The following CASZ1 variants were observed in gnomAD, a reference collection of about 807,000 sequenced individuals.
CASZ1 encodes the protein castor zinc finger 1.
Under a neutral mutation model 135.2 loss-of-function variants are expected in CASZ1, and 28 were observed. The ratio of observed to expected loss-of-function variants is 0.21; its 90% CI spans 0.15 to 0.28. The LOEUF (loss-of-function observed/expected upper bound fraction) is 0.28, where lower values mean the gene tolerates loss of function less well. Ranked by LOEUF, CASZ1 falls within the 10% of genes least tolerant of loss-of-function variation. The probability of loss-of-function intolerance (pLI) is 1.00; values close to 1 mark genes in which losing one functional copy is unlikely to be tolerated. For synonymous variants in CASZ1, 1,068 were observed against 1,073.4 expected (o/e 0.99, Z 0.10); for missense variants, 2,161 against 2,453.3 (o/e 0.88, Z 2.52).
intron 4 of CASZ1, among the ~76,000 whole-genome samples, chr1:10,683,895 A>G (rs764744696): frequency 7.2e-5 from 11 of 152,128 alleles, no homozygotes; most frequent in Non-Finnish European, 1.3e-4. Context: ...TCGGGGCCAG[A>G]GATGTTTGGG....
chr1:10,694,910 C>T lies in CASZ1; in HGVS notation c.-23-998G>A, dbSNP rs1165328094. Among the ~76,000 whole-genome samples the T allele has an allele frequency of 1.4e-5, 2 of 143,838 alleles. No homozygotes were observed. Among genetic ancestry groups the T allele is most frequent in the Non-Finnish European group, 1.5e-5 (1 of 64,892 alleles). 94.4% of individuals were successfully genotyped at this position (143,838 alleles called of 152,430 possible). A position where few individuals can be genotyped will look rare whatever the true frequency, so the allele number is the denominator to read the frequency against. On this transcript the variant is annotated intron_variant, in intron 3 of 20. Transcript: ENST00000377022. The surrounding 1 kb of genome is among the most constrained non-coding windows in gnomAD (Gnocchi z 6.6). Reference sequence around the variant, plus strand: ...GGCCGCCGGCGGCCGCGCGCGCGCTCGCATGCTGCCAGCGGCCGCTCGGGC... The same window carrying T: ...GGCCGCCGGCGGCCGCGCGCGCGCTTGCATGCTGCCAGCGGCCGCTCGGGC...
chr1:10,689,564 C>G (rs371009284), intron 4 of CASZ1, among the ~76,000 whole-genome samples: 131 of 152,266 alleles, frequency 8.6e-4, no homozygotes, highest in African/African-American at 3.0e-3. Flanking sequence ...CTCTAGGGAG[C>G]CTTTCGGACC....
At chr1:10,781,360 G>A (rs1233436461) in intron 1 of CASZ1, among the ~76,000 whole-genome samples, 1 of 152,212 alleles carries the variant, frequency 6.6e-6, no homozygotes, top group African/African-American at 2.4e-5. Flanking sequence ...CTGCTCCTGG[G>A]GAAGGGCAAG....
rs1447142655 is a variant in CASZ1 at position 10,639,708 on chromosome 1, T to C, written c.4514A>G (p.Asp1505Gly). The C allele has an allele frequency of 1.3e-6, 2 of 1,594,496 alleles. No homozygotes were observed. The highest frequency in any genetic ancestry group is 4.5e-5 in the East Asian group (2 of 44,096). Residue 1505 changes from aspartate (D) to glycine (G), a missense_variant, in exon 21 of 21, where the codon GAC (aspartate) becomes GGC (glycine). Around this residue, in one of 7 missense-constraint regions of CASZ1, gnomAD observed 240 missense variants for 321.4 expected, o/e 0.75. Transcript: ENST00000377022. This position sits in a 1 kb window ranked among gnomAD's most constrained non-coding sequence, Gnocchi z 4.0. ...CGTGCTGGTGCCCGAGAAGGGGCAG[T>C]CGGCGAAGTGGCAGCTGAGTGAGGC... ...FKASLSCHFA[D>G]CPFSGTSTHF...
intron 4 of CASZ1, among the ~76,000 whole-genome samples, chr1:10,670,937 G>A (rs934047933): frequency 6.6e-6 from 1 of 152,184 alleles, no homozygotes; most frequent in South Asian, 2.1e-4. Context: ...GGGCCTCTAA[G>A]TTCTGTGGGA....
chr1:10,729,432 C>T (rs74052178), intron 2 of CASZ1, among the ~76,000 whole-genome samples: 5,419 of 150,978 alleles, frequency 0.036, 182 homozygotes, highest in African/African-American at 0.088. Context: ...AGCTATCTTT[C>T]CCACCGCAGC....
chr1:10,673,866 G>A (rs549693977), intron 4 of CASZ1, among the ~76,000 whole-genome samples: 1 of 152,160 alleles, frequency 6.6e-6, no homozygotes. Context: ...CCATGCCTCG[G>A]GCTGAGGCCA....
At chr1:10,655,901 TG>T (rs1642774575) in intron 8 of CASZ1, 88 bp from the exon 9 acceptor site, 7 of 1,372,124 alleles carry the variant, frequency 5.1e-6, no homozygotes, top group African/African-American at 1.4e-5. Context: ...GGCCAGGTGC[TG>T]GCCTCAGGTC....
chr1:10,680,569 G>T (rs556506), intron 4 of CASZ1, among the ~76,000 whole-genome samples: 9,606 of 152,258 alleles, frequency 0.063, 767 homozygotes, highest in African/African-American at 0.19. Flanking sequence ...GCATTACTGT[G>T]TCACACTCCA....
At chr1:10,789,369 C>A (rs568521864) in intron 1 of CASZ1, among the ~76,000 whole-genome samples, 6 of 150,816 alleles carry the variant, frequency 4.0e-5, no homozygotes, top group South Asian at 2.1e-4. Flanking sequence ...CTGCCCCCCG[C>A]ACCCCCTCCT....
At chr1:10,793,409 A>C (rs1640999169) in intron 1 of CASZ1, among the ~76,000 whole-genome samples, 1 of 152,110 alleles carries the variant, frequency 6.6e-6, no homozygotes, top group South Asian at 2.1e-4. Context: ...ATGCGCCGAG[A>C]CTCAGAGCAA....
intron 8 of CASZ1, 60 bp from the exon 9 acceptor site, chr1:10,655,873 A>G: frequency 2.6e-6 from 4 of 1,563,814 alleles, no homozygotes; most frequent in Middle Eastern, 1.9e-4. Flanking sequence ...CCTTCCTCCC[A>G]TATGCCAAGA....
chr1:10,650,926 G>C lies in CASZ1; in HGVS notation c.2816+15C>G, dbSNP rs780907297. On this transcript the variant is annotated intron_variant, in intron 12 of 20. Transcript: ENST00000377022. ...TGGTTCCCGGGGCTGGCTCCCATAG[G>C]GGGCCTCGCCTCACCTGGGCTCCTT... The C allele has an allele frequency of 1.8e-5, 29 of 1,607,072 alleles. No individual in the cohort carries two copies. The highest frequency in any genetic ancestry group is 2.3e-5 in the Non-Finnish European group (27 of 1,178,306).
Position 10,792,335 on chromosome 1 carries a change from C to A in CASZ1, c.-234+4229G>T, listed in dbSNP as rs1273922370. 9.4e-5 allele frequency among the ~76,000 whole-genome samples: 4 copies of A among 42,436 alleles called. 1 individual carries two copies. Among genetic ancestry groups the A allele is most frequent in the Non-Finnish European group, 1.4e-4 (2 of 14,490 alleles). The allele number at this position is 42,436 out of a possible 152,430, so 27.8% of individuals were successfully genotyped here. On this transcript the variant is annotated intron_variant, in intron 1 of 20. Transcript: ENST00000377022. ...GCTTACCCCTCCCCCCCGCCCCCCC[C>A]CCCCCGGCCCCGCACACAAAGTAAA... is the stretch of plus-strand genomic sequence containing the variant.
intron 2 of CASZ1, among the ~76,000 whole-genome samples, chr1:10,729,549 G>A (rs1265402848): frequency 6.6e-6 from 1 of 152,262 alleles, no homozygotes; most frequent in Non-Finnish European, 1.5e-5. Context: ...CCAAGTGCCA[G>A]AGCCCTGGGG....
At chr1:10,781,142 C>T (rs1640755764) in intron 1 of CASZ1, among the ~76,000 whole-genome samples, 1 of 152,232 alleles carries the variant, frequency 6.6e-6, no homozygotes, top group Admixed American at 6.5e-5. Context: ...TCCTGGCTCT[C>T]CTGTGACTTG....
chr1:10,731,476 T>C (rs991290825), intron 2 of CASZ1, among the ~76,000 whole-genome samples: 1 of 152,040 alleles, frequency 6.6e-6, no homozygotes, highest in African/African-American at 2.4e-5. Context: ...TCCCAGCTAC[T>C]TGGGAGGCTG....
intron 2 of CASZ1, among the ~76,000 whole-genome samples, chr1:10,750,110 G>A (rs1640123418): frequency 6.6e-6 from 1 of 152,146 alleles, no homozygotes; most frequent in Non-Finnish European, 1.5e-5. Context: ...TCAGGCCAGA[G>A]CCATGGCTCT....
In CASZ1 at chr1:10,777,235, C is replaced by T. The variant is rs778333278; in HGVS notation, c.-233-16378G>A. ...GGTGTCTCTGAGCCCACCCGAGCCT[C>T]GGAAGCTCAGCTGGGAATCTGTTCC... On this transcript the variant is annotated intron_variant, in intron 1 of 20. Coordinates refer to ENST00000377022, the MANE Select transcript of CASZ1 (RefSeq NM_001079843.3). The surrounding 1 kb of genome is among the most constrained non-coding windows in gnomAD (Gnocchi z 4.4). Among the ~76,000 whole-genome samples the T allele has an allele frequency of 3.9e-4, 60 of 152,158 alleles. No homozygotes were observed. The highest frequency in any genetic ancestry group is 1.2e-4 in the Non-Finnish European group (8 of 68,022).
Sources: gnomAD v4.1 joint callset for allele counts (sites outside exome capture counted in the v4.1 genomes callset) on GRCh38, gnomAD v4.1.1 for gene constraint, gnomAD v4.1.1 regional missense constraint, Gnocchi (gnomAD v3.1) non-coding constraint, MANE v1.5 for transcripts, NCBI Gene and HGNC (gene_info 2026-07-23, HGNC 2026-07-21) for gene names.